ST3GAL5: variants seen among roughly 807,000 people sequenced by gnomAD.
The protein encoded by ST3GAL5 is lactosylceramide alpha-2,3-sialyltransferase.
Under a neutral mutation model 46.1 loss-of-function variants are expected in ST3GAL5, and 25 were observed. The ratio of observed to expected loss-of-function variants is 0.54; its 90% CI spans 0.40 to 0.76. The LOEUF is 0.76. Ranked by LOEUF, ST3GAL5 falls within the 30% of genes least tolerant of loss-of-function variation. ST3GAL5 has a pLI of 0.00. For synonymous variants in ST3GAL5, 182 were observed against 192.7 expected, an observed-to-expected ratio of 0.94 and a Z score of 0.46; for missense variants, 431 against 521.2, an observed-to-expected ratio of 0.83 and a Z score of 1.69.
chr2:85,854,410 CTAT>C (rs1318798133), intron 3 of ST3GAL5: 1 of 152,242 alleles, frequency 6.6e-6, no homozygotes, highest in East Asian at 1.9e-4. Flanking sequence ...ATGAAGGCTA[CTAT>C]TGGTCCAGCC....
At chr2:85,859,593 G>A (rs1318393077) in intron 3 of ST3GAL5, among the ~76,000 whole-genome samples, 8 of 152,132 alleles carry the variant, frequency 5.3e-5, no homozygotes, top group Non-Finnish European at 7.4e-5. Context: ...CTGGCCCTGC[G>A]ACCAGCAAGA....
At chr2:85,844,997 A>G (rs986007523) in intron 5 of ST3GAL5, 2 of 239,302 alleles carry the variant, frequency 8.4e-6, no homozygotes, top group Non-Finnish European at 1.7e-5. Flanking sequence ...CTTCTGCCCA[A>G]TAGAAAATCC....
intron 3 of ST3GAL5, chr2:85,849,645 C>T (rs113879076): frequency 6.6e-6 from 1 of 152,052 alleles, no homozygotes; most frequent in African/African-American, 2.4e-5. Flanking sequence ...AAAAACCCCC[C>T]AAAAAACAAA....
At chr2:85,877,710 C>T (rs1209535819) in intron 1 of ST3GAL5, among the ~76,000 whole-genome samples, 1 of 152,144 alleles carries the variant, frequency 6.6e-6, no homozygotes, top group South Asian at 2.1e-4. Flanking sequence ...TTTCAGTATC[C>T]ACCAGTAGAT....
chr2:85,888,012 T>C (rs924307809), intron 1 of ST3GAL5: 10 of 152,194 alleles, frequency 6.6e-5, no homozygotes, highest in African/African-American at 2.4e-4. Context: ...CAGCTAGAGA[T>C]TCTGCAGGAT....
chr2:85,884,533 C>T (rs906489471), intron 1 of ST3GAL5, among the ~76,000 whole-genome samples: 7 of 152,068 alleles, frequency 4.6e-5, no homozygotes, highest in Admixed American at 6.6e-5. Flanking sequence ...GTGATCTAGA[C>T]GAAGGATGAG....
At chr2:85,866,360 G>C (rs1370976846) in intron 1 of ST3GAL5, among the ~76,000 whole-genome samples, 1 of 152,146 alleles carries the variant, frequency 6.6e-6, no homozygotes, top group South Asian at 2.1e-4. Flanking sequence ...AATTTTTCCT[G>C]TTCACTACAT....
At chr2:85,887,259 T>C (rs957160584) in intron 1 of ST3GAL5, 2 of 152,238 alleles carry the variant, frequency 1.3e-5, no homozygotes, top group African/African-American at 4.8e-5. Context: ...TTAACGTTCA[T>C]CACCAATCTA....
chr2:85,852,777 G>A, intron 3 of ST3GAL5: 1 of 812,594 alleles, frequency 1.2e-6, no homozygotes, highest in South Asian at 1.5e-5. Flanking sequence ...TCTGGAGGCT[G>A]GACTCAGTTC....
At chr2:85,869,288 C>T (rs1286514229) in intron 1 of ST3GAL5, among the ~76,000 whole-genome samples, 1 of 152,158 alleles carries the variant, frequency 6.6e-6, no homozygotes, top group Non-Finnish European at 1.5e-5. Flanking sequence ...TCAAGCGATC[C>T]TCCCGCCTCA....
At chr2:85,853,355 A>G (rs1329776197) in intron 3 of ST3GAL5, 2 of 332,102 alleles carry the variant, frequency 6.0e-6, no homozygotes, top group African/African-American at 2.2e-5. Flanking sequence ...TGCTGCAGTA[A>G]TGAAGGCGGG....
chr2:85,872,254 CAG>C (rs1686015162), intron 1 of ST3GAL5, among the ~76,000 whole-genome samples: 1 of 152,224 alleles, frequency 6.6e-6, no homozygotes, highest in East Asian at 1.9e-4. Context: ...CGGTCCCAAT[CAG>C]AGAAAGAAAT....
rs544272877 is a variant in ST3GAL5 at position 85,846,287 on chromosome 2, C to T, written c.849+90G>A. 299 of 1,179,474 alleles carry T rather than the reference C, an allele frequency of 2.5e-4. 1 individual carries two copies. The highest frequency in any genetic ancestry group is 2.5e-3 in the Middle Eastern group (9 of 3,664). 73.1% of individuals were successfully genotyped at this position (1,179,474 alleles called of 1,614,324 possible). On this transcript the variant is annotated intron_variant, in intron 5 of 6. Transcript: ENST00000638572. ...ACACATAAGTATGCATTCCGCTCTGCGTGTTTAAAAATAAAAGGCTATAAT... is the reference window on the plus strand; with the variant it reads ...ACACATAAGTATGCATTCCGCTCTGTGTGTTTAAAAATAAAAGGCTATAAT...
At chr2:85,842,960 G>A (rs1682334210) in intron 6 of ST3GAL5, among the ~76,000 whole-genome samples, 1 of 152,030 alleles carries the variant, frequency 6.6e-6, no homozygotes, top group Non-Finnish European at 1.5e-5. Context: ...GTTTCTCCAT[G>A]TTGGTCAGGC....
intron 1 of ST3GAL5, among the ~76,000 whole-genome samples, chr2:85,878,939 A>C (rs942663349): frequency 2.6e-5 from 4 of 152,180 alleles, no homozygotes; most frequent in Admixed American, 6.5e-5. Flanking sequence ...AGGAGGCGGC[A>C]TTCCAGACAG....
At chr2:85,848,534 T>C (rs1683102866) in intron 3 of ST3GAL5, 2 of 620,524 alleles carry the variant, frequency 3.2e-6, no homozygotes, top group Non-Finnish European at 5.0e-6. Flanking sequence ...TAAGACTTCA[T>C]GTTTCATAAA....
At chr2:85,883,674 G>C (rs375678416) in intron 1 of ST3GAL5, among the ~76,000 whole-genome samples, 11 of 152,314 alleles carry the variant, frequency 7.2e-5, no homozygotes, top group African/African-American at 2.4e-4. Flanking sequence ...GTGCCTAAAG[G>C]GTCTACCCAG....
intron 1 of ST3GAL5, among the ~76,000 whole-genome samples, chr2:85,885,156 A>G (rs1035048507): frequency 1.3e-5 from 2 of 152,234 alleles, no homozygotes; most frequent in African/African-American, 4.8e-5. Flanking sequence ...GATAATTTTT[A>G]GCAGAAATGC....
intron 4 of ST3GAL5, 65 bp downstream of exon 4, chr2:85,847,795 CA>C: frequency 1.3e-6 from 2 of 1,559,870 alleles, no homozygotes; most frequent in African/African-American, 2.8e-5. Flanking sequence ...GACCCTGCCT[CA>C]AAAAATAAAA....
Sources: gnomAD v4.1 joint callset for allele counts (sites outside exome capture counted in the v4.1 genomes callset) on GRCh38, gnomAD v4.1.1 for gene constraint, MANE v1.5 for transcripts, NCBI Gene and HGNC (gene_info 2026-07-23, HGNC 2026-07-21) for gene names.